The following ZBTB20 variants were observed in gnomAD, a reference collection of about 807,000 sequenced individuals.
ZBTB20 encodes the protein zinc finger and BTB domain containing 20, also known as zinc finger and BTB domain-containing protein 20.
A neutral mutation model predicts 56.9 loss-of-function variants in ZBTB20; 9 were observed. That is an observed-to-expected ratio of 0.16 (90% CI 0.10 to 0.28). ZBTB20 has a LOEUF of 0.28. Ranked by LOEUF, ZBTB20 falls within the 10% of genes least tolerant of loss-of-function variation. The pLI is 1.00. For missense variants in ZBTB20, 655 were observed against 1,003.0 expected, an observed-to-expected ratio of 0.65 and a Z score of 4.69; for synonymous variants, 417 against 420.7, an observed-to-expected ratio of 0.99 and a Z score of 0.11.
At chr3:114,340,957 T>C (rs528754201) in intron 11 of ZBTB20, among the ~76,000 whole-genome samples, 20 of 152,230 alleles carry the variant, frequency 1.3e-4, no homozygotes, top group Non-Finnish European at 2.4e-4. Context: ...TCACCATGTA[T>C]TGAGTGCTTA....
intron 6 of ZBTB20, among the ~76,000 whole-genome samples, chr3:114,507,168 G>T (rs981779474): frequency 2.6e-5 from 4 of 152,170 alleles, no homozygotes; most frequent in African/African-American, 9.6e-5. Context: ...TCTAGCCAAT[G>T]CTATGAGTCA....
chr3:114,924,980 CTTTTTTTTTTT>C (rs578028983), intron 3 of ZBTB20, among the ~76,000 whole-genome samples: 1 of 99,918 alleles, frequency 1.0e-5, no homozygotes, highest in African/African-American at 3.7e-5. Context: ...TTTGGTTCTT[CTTTTTTTTTTT>C]TTTTTTTTTT....
chr3:114,426,866 A>C (rs976159241), intron 7 of ZBTB20, among the ~76,000 whole-genome samples: 1 of 152,250 alleles, frequency 6.6e-6, no homozygotes, highest in Admixed American at 6.5e-5. Context: ...TTTTGATGGC[A>C]GCAAAATATG....
intron 4 of ZBTB20, among the ~76,000 whole-genome samples, chr3:114,867,128 G>C (rs1349492776): frequency 6.6e-6 from 1 of 152,134 alleles, no homozygotes; most frequent in Non-Finnish European, 1.5e-5. Flanking sequence ...CAGATGAGGA[G>C]GATAATGTTC....
intron 5 of ZBTB20, among the ~76,000 whole-genome samples, chr3:114,787,358 T>TAC (rs1195060301): frequency 9.3e-5 from 8 of 85,924 alleles, no homozygotes; most frequent in African/African-American, 3.0e-4. Context: ...TATATATATA[T>TAC]ATATATATAT....
Position 114,319,819 on chromosome 3 carries a change from T to C in ZBTB20, c.*19186A>G, listed in dbSNP as rs1011789134. 1 of 151,824 alleles carries C rather than the reference T, an allele frequency of 6.6e-6. No homozygotes were observed. Among genetic ancestry groups the C allele is most frequent in the Admixed American group, 6.6e-5 (1 of 15,250 alleles). The allele number at this position is 151,824 out of a possible 1,614,324, so 9.4% of individuals were successfully genotyped here. A position where few individuals can be genotyped will look rare whatever the true frequency, so the allele number is the denominator to read the frequency against. On this transcript the variant is annotated 3_prime_UTR_variant, in exon 12 of 12. Transcript: ENST00000675478. ...ACTTTCTCAAGCATATACATATATA[T>C]ATATATATAAGCATATACATATATA...
At chr3:114,710,277 T>A (rs1176494847) in intron 5 of ZBTB20, 8 of 152,166 alleles carry the variant, frequency 5.3e-5, no homozygotes, top group African/African-American at 1.9e-4. Context: ...CCTCCAAACA[T>A]TCTCAGAGTT....
chr3:115,119,009 T>G (rs1461447718), intron 1 of ZBTB20, among the ~76,000 whole-genome samples: 2 of 152,316 alleles, frequency 1.3e-5, no homozygotes, highest in African/African-American at 2.4e-5. Context: ...TATAATTTAT[T>G]TCTTTGAAAA....
At chr3:114,718,278 A>T (rs2064648915) in intron 5 of ZBTB20, among the ~76,000 whole-genome samples, 1 of 152,134 alleles carries the variant, frequency 6.6e-6, no homozygotes, top group South Asian at 2.1e-4. Context: ...ACCATTTCCA[A>T]GTGAACTAAA....
At chr3:114,460,449 CT>C (rs1300963280) in intron 7 of ZBTB20, among the ~76,000 whole-genome samples, 2 of 152,026 alleles carry the variant, frequency 1.3e-5, no homozygotes, top group Non-Finnish European at 2.9e-5. Context: ...CACAAAGGTT[CT>C]TATAAGAGAG....
intron 10 of ZBTB20, among the ~76,000 whole-genome samples, chr3:114,352,487 T>G (rs1394367222): frequency 2.6e-5 from 4 of 152,188 alleles, no homozygotes; most frequent in Admixed American, 2.0e-4. Context: ...CAACCCAGAC[T>G]AAGATATCTA....
At chr3:114,538,936 G>C (rs934129775) in intron 6 of ZBTB20, among the ~76,000 whole-genome samples, 1 of 152,150 alleles carries the variant, frequency 6.6e-6, no homozygotes, top group Non-Finnish European at 1.5e-5. Flanking sequence ...TCGGGGGTTG[G>C]CATTCTCATT....
chr3:114,741,181 T>A (rs1177652835), intron 5 of ZBTB20, among the ~76,000 whole-genome samples: 1 of 152,138 alleles, frequency 6.6e-6, no homozygotes, highest in East Asian at 1.9e-4. Flanking sequence ...GTCCTTCCTA[T>A]CTCCATGCCA....
At chr3:114,781,969 C>T (rs530566772) in intron 5 of ZBTB20, among the ~76,000 whole-genome samples, 3 of 152,266 alleles carry the variant, frequency 2.0e-5, no homozygotes, top group Non-Finnish European at 1.5e-5. Flanking sequence ...ATAAATTACC[C>T]AGTCTTGCAT....
At chr3:114,620,574 G>A (rs547955432) in intron 6 of ZBTB20, among the ~76,000 whole-genome samples, 9 of 152,306 alleles carry the variant, frequency 5.9e-5, no homozygotes, top group South Asian at 2.1e-4. Context: ...TTACAGGCAT[G>A]AGCCACTGTG....
chr3:114,757,994 C>G (rs1262227740), intron 5 of ZBTB20, among the ~76,000 whole-genome samples: 2 of 151,970 alleles, frequency 1.3e-5, no homozygotes, highest in Non-Finnish European at 2.9e-5. Flanking sequence ...ATGATTATGC[C>G]TTTGTTTTAA....
In ZBTB20 at chr3:114,320,870, G is replaced by GATA. The variant is rs1260741861; in HGVS notation, c.*18134_*18135insTAT. ...AGGGCAACAGATTAAAATGAAAAGG[G>GATA]GTATAGAAAGATATATTTTAGATAA... On this transcript the variant is annotated 3_prime_UTR_variant, in exon 12 of 12. Transcript: ENST00000675478. 1.3e-5 allele frequency: 2 copies of GATA among 152,044 alleles called. No individual in the cohort carries two copies. Among genetic ancestry groups the GATA allele is most frequent in the Non-Finnish European group, 2.9e-5 (2 of 68,016 alleles). 9.4% of individuals were successfully genotyped at this position (152,044 alleles called of 1,614,324 possible).
intron 5 of ZBTB20, among the ~76,000 whole-genome samples, chr3:114,754,475 A>G (rs180882757): frequency 1.3e-5 from 2 of 152,296 alleles, no homozygotes; most frequent in African/African-American, 4.8e-5. Context: ...GTAGGGTCCT[A>G]TTCTATAAAA....
chr3:114,862,586 T>G (rs2107497485), intron 4 of ZBTB20, among the ~76,000 whole-genome samples: 1 of 152,302 alleles, frequency 6.6e-6, no homozygotes, highest in Admixed American at 6.5e-5. Context: ...AGAGATCTAG[T>G]TCTAGGAGGG....
Sources: allele counts gnomAD v4.1 joint callset (sites outside exome capture counted in the v4.1 genomes callset), GRCh38; gene constraint gnomAD v4.1.1; transcripts MANE v1.5; gene names NCBI Gene and HGNC (gene_info 2026-07-23, HGNC 2026-07-21).